The following EDDM3A variants were observed in gnomAD, a reference collection of about 807,000 sequenced individuals.
EDDM3A encodes epididymal protein 3A.
For missense variants in EDDM3A, 199 were observed against 177.4 expected (o/e 1.12, Z -0.69); for synonymous variants, 75 against 60.4 (o/e 1.24, Z -1.12).
the EDDM3A span, among the ~76,000 whole-genome samples, chr14:20,736,796 C>T: frequency 6.6e-6 from 1 of 151,754 alleles, no homozygotes; most frequent in African/African-American, 2.4e-5. Flanking sequence ...CTGTAATCTC[C>T]TCCTGCTGGG....
chr14:20,743,204 G>A (rs996411571), upstream of EDDM3A, among the ~76,000 whole-genome samples: 1 of 152,156 alleles, frequency 6.6e-6, no homozygotes, highest in Non-Finnish European at 1.5e-5. Flanking sequence ...TCACTTTTAT[G>A]GTTTTGTGAA....
the EDDM3A span, among the ~76,000 whole-genome samples, chr14:20,740,443 A>G: frequency 5.3e-5 from 8 of 152,212 alleles, no homozygotes; most frequent in African/African-American, 1.9e-4. Flanking sequence ...ATGGGAAAAC[A>G]TCTCTGGTAA....
chr14:20,737,054 C>CG, the EDDM3A span, among the ~76,000 whole-genome samples: 1 of 109,964 alleles, frequency 9.1e-6, no homozygotes, highest in African/African-American at 3.1e-5. Context: ...TTTCTTTTTC[C>CG]TTTTTTTTTT....
At chr14:20,742,039 C>T (rs968348982), upstream of EDDM3A, among the ~76,000 whole-genome samples, 1 of 152,198 alleles carries the variant, frequency 6.6e-6, no homozygotes, top group African/African-American at 2.4e-5. Flanking sequence ...TTTCTTGGGA[C>T]ATCATCTCTT....
the EDDM3A span, among the ~76,000 whole-genome samples, chr14:20,736,922 A>G: frequency 5.9e-3 from 890 of 152,088 alleles, 30 homozygotes; most frequent in East Asian, 0.092. Context: ...CATGTTGCCG[A>G]GGCTGATCTC....
chr14:20,739,122 G>A, the EDDM3A span, among the ~76,000 whole-genome samples: 20 of 152,080 alleles, frequency 1.3e-4, no homozygotes, highest in South Asian at 8.3e-4. Flanking sequence ...ACCTTGTGGC[G>A]GCATATTCTG....
upstream of EDDM3A, chr14:20,745,818 A>G (rs1566348916): frequency 6.6e-6 from 1 of 152,358 alleles, no homozygotes; most frequent in Admixed American, 6.5e-5. Context: ...GCTGTTCCCC[A>G]TCACCACCTC....
At chr14:20,742,982 A>G (rs150980226), upstream of EDDM3A, among the ~76,000 whole-genome samples, 144 of 152,176 alleles carry the variant, frequency 9.5e-4, 2 homozygotes, top group African/African-American at 3.2e-3. Context: ...TGATCCTCCC[A>G]CTTTGACCTT....
chr14:20,745,256 G>T (rs117689340), upstream of EDDM3A, among the ~76,000 whole-genome samples: 6,186 of 148,082 alleles, frequency 0.042, 164 homozygotes, highest in Middle Eastern at 0.1. Context: ...ACCAGGCACA[G>T]CGAGTCACAC....
upstream of EDDM3A, among the ~76,000 whole-genome samples, chr14:20,743,100 T>G (rs1877485838): frequency 6.6e-6 from 1 of 152,214 alleles, no homozygotes; most frequent in Non-Finnish European, 1.5e-5. Context: ...ACTGCATTGA[T>G]CCTATGAATT....
upstream of EDDM3A, among the ~76,000 whole-genome samples, chr14:20,744,894 T>A (rs1163029621): frequency 3.9e-5 from 6 of 152,272 alleles, no homozygotes; most frequent in East Asian, 1.2e-3. Context: ...TTCTTTCACC[T>A]CTCAATGAAG....
At chr14:20,736,212 C>T in the EDDM3A span, among the ~76,000 whole-genome samples, 3 of 151,682 alleles carry the variant, frequency 2.0e-5, no homozygotes, top group South Asian at 2.1e-4. Flanking sequence ...AGGTTTCTAG[C>T]GATTATCCTG....
intron 1 of EDDM3A, among the ~76,000 whole-genome samples, chr14:20,746,564 A>T (rs988414915): frequency 3.3e-5 from 5 of 152,184 alleles, no homozygotes; most frequent in African/African-American, 1.2e-4. Context: ...GATTACAGCA[A>T]CAGTTCTAAA....
At chr14:20,746,879 T>C (rs747943348) in intron 1 of EDDM3A, among the ~76,000 whole-genome samples, 1 of 152,218 alleles carries the variant, frequency 6.6e-6, no homozygotes, top group Admixed American at 6.5e-5. Flanking sequence ...TTTTCCACTT[T>C]GCAGACAATA....
chr14:20,738,723 G>A, the EDDM3A span, among the ~76,000 whole-genome samples: 1 of 152,134 alleles, frequency 6.6e-6, no homozygotes, highest in South Asian at 2.1e-4. Context: ...GTATACATGG[G>A]AGAAACTCAG....
In EDDM3A at chr14:20,748,094, T is replaced by A. The variant is rs925152730; in HGVS notation, c.*70T>A. 137 of 1,167,702 alleles carry A rather than the reference T, an allele frequency of 1.2e-4. 1 individual carries two copies. The Middle Eastern group carries it at 1.5e-3, about 13-fold the overall frequency. The allele number at this position is 1,167,702 out of a possible 1,614,324, so 72.3% of individuals were successfully genotyped here. A position where few individuals can be genotyped will look rare whatever the true frequency, so the allele number is the denominator to read the frequency against. ...TCCAAAGTGGTGGGCCCTGCCTCCATCAATAGCCCCTGCCACTCCCCGCTT... is the reference window on the plus strand; with the variant it reads ...TCCAAAGTGGTGGGCCCTGCCTCCAACAATAGCCCCTGCCACTCCCCGCTT... On this transcript the variant is annotated 3_prime_UTR_variant, in exon 2 of 2. Coordinates refer to ENST00000326842, the MANE Select transcript of EDDM3A (RefSeq NM_006683.5).
chr14:20,747,057 G>C (rs1038449668), intron 1 of EDDM3A, among the ~76,000 whole-genome samples: 4 of 144,928 alleles, frequency 2.8e-5, no homozygotes, highest in African/African-American at 1.0e-4. Context: ...ATTTGTGTTA[G>C]CTCTCACAGG....
chr14:20,744,382 T>A (rs1165174159), upstream of EDDM3A, among the ~76,000 whole-genome samples: 6 of 152,184 alleles, frequency 3.9e-5, no homozygotes, highest in Admixed American at 2.0e-4. Flanking sequence ...GGTGGCCCAG[T>A]GAGAAAATCA....
upstream of EDDM3A, among the ~76,000 whole-genome samples, chr14:20,743,421 G>A (rs756125178): frequency 2.0e-4 from 30 of 152,096 alleles, no homozygotes; most frequent in African/African-American, 6.3e-4. Context: ...GTGTTGGTGC[G>A]CACCTGTACT....
Sources: allele counts gnomAD v4.1 joint callset (sites outside exome capture counted in the v4.1 genomes callset), GRCh38; gene constraint gnomAD v4.1.1; transcripts MANE v1.5; gene names NCBI Gene and HGNC (gene_info 2026-07-23, HGNC 2026-07-21).